CCDC171: variants seen among roughly 807,000 people sequenced by gnomAD.
The protein encoded by CCDC171 is coiled-coil domain containing 171.
A neutral mutation model predicts 168.2 loss-of-function variants in CCDC171; 177 were observed. The ratio of observed to expected loss-of-function variants is 1.05; its 90% CI spans 0.93 to 1.19. The LOEUF is 1.19. CCDC171 is among the 50% of genes most tolerant of loss of function. The pLI is 0.00. For missense variants in CCDC171, 1,991 were observed against 1,539.0 expected, an observed-to-expected ratio of 1.29 and a Z score of -4.91; for synonymous variants, 687 against 540.8, an observed-to-expected ratio of 1.27 and a Z score of -3.75.
intron 9 of CCDC171, among the ~76,000 whole-genome samples, chr9:15,666,798 C>G (rs1486354154): frequency 6.6e-6 from 1 of 151,992 alleles, no homozygotes; most frequent in Non-Finnish European, 1.5e-5. Context: ...AGATCTGGGG[C>G]TAAGATTTCT....
At position 15,745,963 on chromosome 9, in the gene CCDC171, T is replaced by C. The variant is rs1380541966; in HGVS notation, c.2671+332T>C. Among the ~76,000 whole-genome samples the C allele has an allele frequency of 4.6e-5, 7 of 152,302 alleles. No individual in the cohort carries two copies. The South Asian group carries it at 1.4e-3, about 32-fold the overall frequency. On this transcript the variant is annotated intron_variant, in intron 18 of 25. Transcript: ENST00000380701. The stretch of plus-strand genomic sequence containing the variant: ...ATATGTTTTGGCCTTATTTCACTTC[T>C]ACTTCTGGCTGTAAATTTCATAAGC...
the CCDC171 span, among the ~76,000 whole-genome samples, chr9:16,106,151 A>G: frequency 6.6e-6 from 1 of 152,212 alleles, no homozygotes; most frequent in Admixed American, 6.5e-5. Flanking sequence ...CTCAGTCTGC[A>G]GGCAAATCAT....
the CCDC171 span, among the ~76,000 whole-genome samples, chr9:16,080,097 C>T: frequency 6.6e-6 from 1 of 152,188 alleles, no homozygotes; most frequent in Non-Finnish European, 1.5e-5. Flanking sequence ...ATTTTCTGCT[C>T]TATAGGATGG....
At position 15,599,764 on chromosome 9, in the gene CCDC171, G is replaced by T. The variant is rs192570663; in HGVS notation, c.675+5592G>T. Among the ~76,000 whole-genome samples the T allele has an allele frequency of 5.3e-5, 8 of 152,042 alleles. No homozygotes were observed. The East Asian group carries it at 1.3e-3, about 26-fold the overall frequency. On this transcript the variant is annotated intron_variant, in intron 6 of 25. Transcript: ENST00000380701. ...AGTGTTCTCCACTTGGTTCCATTCT[G>T]CCCGTCACTTTCAGGTACACCCATC... is the stretch of plus-strand genomic sequence containing the variant.
intron 6 of CCDC171, among the ~76,000 whole-genome samples, chr9:16,027,856 G>A (rs1833303322): frequency 1.3e-5 from 2 of 152,170 alleles, no homozygotes; most frequent in South Asian, 4.1e-4. Flanking sequence ...TGCCACACAT[G>A]GAATTGGGAA....
At chr9:15,982,253 T>C (rs1400460391) in intron 3 of CCDC171, among the ~76,000 whole-genome samples, 1 of 152,154 alleles carries the variant, frequency 6.6e-6, no homozygotes, top group Non-Finnish European at 1.5e-5. Flanking sequence ...GTAATTGAGC[T>C]TGTTTAGTGT....
At chr9:15,696,213 A>G (rs2051201876) in intron 11 of CCDC171, among the ~76,000 whole-genome samples, 1 of 152,226 alleles carries the variant, frequency 6.6e-6, no homozygotes, top group Admixed American at 6.5e-5. Flanking sequence ...TAAGTTCTTT[A>G]GAGAGCTCTT....
At position 15,630,813 on chromosome 9, in the gene CCDC171, C is replaced by A. The variant is rs1379950732; in HGVS notation, c.822+7400C>A. On this transcript the variant is annotated intron_variant, in intron 7 of 25. Coordinates refer to ENST00000380701, the MANE Select transcript of CCDC171 (RefSeq NM_173550.4). The stretch of plus-strand genomic sequence containing the variant: ...AAATGTAAAAGATGAGAAATTATAA[C>A]AAACTGTCTCTCAGACCACAGTGCA... Among the ~76,000 whole-genome samples, 3 of 152,158 alleles carry A rather than the reference C, an allele frequency of 2.0e-5. No homozygotes were observed. The East Asian group carries it at 5.8e-4, about 29-fold the overall frequency.
chr9:15,928,632 T>C (rs1427983452), intron 25 of CCDC171, among the ~76,000 whole-genome samples: 2 of 147,818 alleles, frequency 1.4e-5, no homozygotes, highest in African/African-American at 2.4e-5. Context: ...CAGTGCTCAT[T>C]TTACCCTTTG....
chr9:15,941,893 T>C (rs1428382476), intron 25 of CCDC171, among the ~76,000 whole-genome samples: 1 of 151,988 alleles, frequency 6.6e-6, no homozygotes, highest in African/African-American at 2.4e-5. Context: ...ATTCAGTTTT[T>C]ATTATTTAAA....
At chr9:15,690,168 A>AC (rs2050689042) in intron 10 of CCDC171, among the ~76,000 whole-genome samples, 1 of 152,168 alleles carries the variant, frequency 6.6e-6, no homozygotes, top group African/African-American at 2.4e-5. Flanking sequence ...TTTAGTAGGG[A>AC]CAACACTGTT....
At position 15,839,189 on chromosome 9, in the gene CCDC171, A is replaced by G. The variant is rs573696828; in HGVS notation, c.3268-7513A>G. ...GGGATCTTGAGTTGTACATTCTTCA[A>G]TGTTTGATGTTGAAAGTGTATCCTT... On this transcript the variant is annotated intron_variant, in intron 21 of 25. Coordinates refer to ENST00000380701, the MANE Select transcript of CCDC171 (RefSeq NM_173550.4). 3.3e-5 allele frequency among the ~76,000 whole-genome samples: 5 copies of G among 152,252 alleles called. No homozygotes were observed. In the South Asian group the frequency reaches 1.0e-3, roughly 32 times the overall value.
chr9:15,579,370 T>C lies in CCDC171; in HGVS notation c.352+347T>C, dbSNP rs75026763. On this transcript the variant is annotated intron_variant, in intron 4 of 25. Coordinates refer to ENST00000380701, the MANE Select transcript of CCDC171 (RefSeq NM_173550.4). ...ACTCCAGGCTCCCCATCACATATAA[T>C]ATGAATCCAAATCTCTAGCTTGAGA... Among the ~76,000 whole-genome samples, 1,006 of 152,316 alleles carry C rather than the reference T, an allele frequency of 6.6e-3. 33 individuals are homozygous for C. Among genetic ancestry groups the C allele is most frequent in the East Asian group, 0.045 (231 of 5,178 alleles).
intron 23 of CCDC171, among the ~76,000 whole-genome samples, chr9:15,865,384 T>TTG (rs71325943): frequency 4.0e-5 from 6 of 150,428 alleles, no homozygotes; most frequent in Non-Finnish European, 7.4e-5. Context: ...TTTGTCATAT[T>TTG]TGTGTGTGTG....
intron 23 of CCDC171, among the ~76,000 whole-genome samples, chr9:15,860,701 A>G (rs2061521672): frequency 6.6e-6 from 1 of 151,922 alleles, no homozygotes; most frequent in African/African-American, 2.4e-5. Context: ...TGACGTGTGT[A>G]CACTTGAGAA....
chr9:16,033,753 G>A (rs1300924701), intron 6 of CCDC171, among the ~76,000 whole-genome samples: 1 of 151,830 alleles, frequency 6.6e-6, no homozygotes, highest in East Asian at 1.9e-4. Context: ...GAAAAGGTTG[G>A]GGATGCTGTG....
chr9:15,945,174 C>G (rs1828198231), intron 25 of CCDC171, among the ~76,000 whole-genome samples: 1 of 150,222 alleles, frequency 6.7e-6, no homozygotes, highest in South Asian at 2.2e-4. Flanking sequence ...ATGATGATTT[C>G]CAATTTCATC....
chr9:16,001,260 A>G (rs1832534332), intron 3 of CCDC171, among the ~76,000 whole-genome samples: 1 of 152,080 alleles, frequency 6.6e-6, no homozygotes, highest in Non-Finnish European at 1.5e-5. Context: ...GAAAAAATTT[A>G]TCTGTGACCA....
intron 24 of CCDC171, among the ~76,000 whole-genome samples, chr9:15,901,354 A>T (rs1415296948): frequency 2.6e-5 from 4 of 152,112 alleles, no homozygotes; most frequent in Non-Finnish European, 5.9e-5. Context: ...GGTGATAGTG[A>T]TGTGTCAGCA....
Sources: allele counts gnomAD v4.1 joint callset (sites outside exome capture counted in the v4.1 genomes callset), GRCh38; gene constraint gnomAD v4.1.1; transcripts MANE v1.5; gene names NCBI Gene and HGNC (gene_info 2026-07-23, HGNC 2026-07-21).